Variants in SLC44A1 observed in about 807,000 individuals in gnomAD.
The protein encoded by SLC44A1 is solute carrier family 44 member 1, also known as choline transporter-like protein 1.
Under a neutral mutation model 79.3 loss-of-function variants are expected in SLC44A1, and 26 were observed. That is an observed-to-expected ratio of 0.33 (90% confidence interval 0.24 to 0.46). The LOEUF (loss-of-function observed/expected upper bound fraction) is 0.46. Ranked by LOEUF, SLC44A1 falls within the 20% of genes least tolerant of loss-of-function variation. The pLI is 1.00. For missense variants in SLC44A1, 688 were observed against 798.1 expected (o/e 0.86, Z 1.66); for synonymous variants, 263 against 286.2 (o/e 0.92, Z 0.82).
chr9:105,367,030 G>T (rs1490888282), intron 12 of SLC44A1, among the ~76,000 whole-genome samples: 2 of 151,832 alleles, frequency 1.3e-5, no homozygotes, highest in Non-Finnish European at 2.9e-5. Context: ...TTGAATGGAA[G>T]AATTGATATT....
At chr9:105,282,709 C>T (rs1162314135) in intron 1 of SLC44A1, among the ~76,000 whole-genome samples, 5 of 151,994 alleles carry the variant, frequency 3.3e-5, no homozygotes, top group Admixed American at 6.6e-5. Context: ...CCACCATGCC[C>T]GGCTAATTTT....
Position 105,309,789 on chromosome 9 carries a change from C to T in SLC44A1, c.192C>T (p.Ser64=). 6.2e-7 allele frequency: 1 copy of T among 1,613,178 alleles called. No individual in the cohort carries two copies. The change falls in exon 3 of 16, where the codon AGC becomes AGT. Residue 64 remains serine (S), a synonymous_variant. Coordinates refer to ENST00000374720, the MANE Select transcript of SLC44A1 (RefSeq NM_080546.5). The part of the protein sequence containing the change: ...AAARLVSGYD[S]YGNICGQKNT... ...CAAGACTAGTGTCAGGATACGACAG[C>T]TATGGAAATATCTGTGGGCAGAAAA...
Position 105,396,825 on chromosome 9 carries a change from C to T in SLC44A1, c.*7769C>T. 1 of 984,610 alleles carries T rather than the reference C, an allele frequency of 1.0e-6. No homozygotes were observed. Among genetic ancestry groups the T allele is most frequent in the Non-Finnish European group, 1.2e-6 (1 of 829,348 alleles). 61.0% of individuals were successfully genotyped at this position (984,610 alleles called of 1,614,324 possible). A position where few individuals can be genotyped will look rare whatever the true frequency, so the allele number is the denominator to read the frequency against. ...ATAAACTGGAGGATCACAGTTAAGCCTTCCATGAATTCATAGTTTGGAATC... is the reference window on the plus strand; with the variant it reads ...ATAAACTGGAGGATCACAGTTAAGCTTTCCATGAATTCATAGTTTGGAATC... On this transcript the variant is annotated 3_prime_UTR_variant, in exon 16 of 16. Transcript: ENST00000374720.
chr9:105,340,147 T>A (rs1827043268), intron 4 of SLC44A1, among the ~76,000 whole-genome samples: 1 of 152,242 alleles, frequency 6.6e-6, no homozygotes, highest in African/African-American at 2.4e-5. Context: ...AATAGTGCTG[T>A]ACTGTACACT....
At chr9:105,301,511 A>T (rs1412434109) in intron 2 of SLC44A1, among the ~76,000 whole-genome samples, 1 of 152,224 alleles carries the variant, frequency 6.6e-6, no homozygotes, top group Non-Finnish European at 1.5e-5. Flanking sequence ...CACAACAGAG[A>T]TTCAGCATTT....
intron 10 of SLC44A1, among the ~76,000 whole-genome samples, chr9:105,365,200 T>A (rs886730804): frequency 2.6e-5 from 4 of 152,224 alleles, no homozygotes; most frequent in Admixed American, 2.6e-4. Flanking sequence ...GATGACCCCA[T>A]AAGTATTCAC....
chr9:105,367,204 A>G (rs1407615696), intron 12 of SLC44A1, among the ~76,000 whole-genome samples: 2 of 152,138 alleles, frequency 1.3e-5, no homozygotes, highest in Admixed American at 1.3e-4. Flanking sequence ...CTCATCTAAT[A>G]GGCCAGAGAT....
chr9:105,370,703 T>G (rs555420296), intron 12 of SLC44A1, among the ~76,000 whole-genome samples: 1 of 152,334 alleles, frequency 6.6e-6, no homozygotes, highest in South Asian at 2.1e-4. Context: ...GCTGGTCTGA[T>G]GATAACAGAG....
In SLC44A1 at chr9:105,390,513, C is replaced by A. The variant is rs1828739872; in HGVS notation, c.*1457C>A. ...TTTGAAAGAAAGCATTGCCTCCTAC[C>A]AGAACTAGACAGTGAATTAGATCGG... On this transcript the variant is annotated 3_prime_UTR_variant, in exon 16 of 16. Transcript: ENST00000374720. 13 of 983,978 alleles carry A rather than the reference C, an allele frequency of 1.3e-5. No homozygotes were observed. In the South Asian group the frequency reaches 5.6e-4, roughly 43 times the overall value. The allele number at this position is 983,978 out of a possible 1,614,324, so 61.0% of individuals were successfully genotyped here. A position where few individuals can be genotyped will look rare whatever the true frequency, so the allele number is the denominator to read the frequency against.
rs140865803 is a variant in SLC44A1, at chr9:105,413,158, A to G, written c.1951-25123A>G. 4.4e-4 allele frequency among the ~76,000 whole-genome samples: 67 copies of G among 152,306 alleles called. No individual in the cohort carries two copies. The Middle Eastern group carries it at 0.014, about 31-fold the overall frequency. On this transcript the variant is annotated intron_variant, in intron 15 of 15. Transcript: ENST00000374724. ...ACTTCTGTTTCATCAGTCAATTAAC[A>G]TATGTTAATCACCTATTACTATCAG... is the stretch of plus-strand genomic sequence containing the variant.
At chr9:105,276,566 G>T (rs189221700) in intron 1 of SLC44A1, among the ~76,000 whole-genome samples, 1 of 3,954 alleles carries the variant, frequency 2.5e-4, no homozygotes, top group Non-Finnish European at 4.6e-4. Flanking sequence ...ATGGGGAGCC[G>T]TGTGTGTGTG....
chr9:105,431,147 C>T (rs1413488126), intron 15 of SLC44A1, among the ~76,000 whole-genome samples: 1 of 152,098 alleles, frequency 6.6e-6, no homozygotes, highest in Non-Finnish European at 1.5e-5. Flanking sequence ...CATATTTAGC[C>T]TTAAGTTTAT....
intron 1 of SLC44A1, among the ~76,000 whole-genome samples, chr9:105,260,454 G>A (rs1444194093): frequency 6.6e-6 from 1 of 152,168 alleles, no homozygotes; most frequent in Non-Finnish European, 1.5e-5. Context: ...GGTGAAACCA[G>A]AAGCAACAAT....
intron 15 of SLC44A1, among the ~76,000 whole-genome samples, chr9:105,388,818 A>G (rs1388017462): frequency 6.6e-6 from 1 of 152,168 alleles, no homozygotes; most frequent in Non-Finnish European, 1.5e-5. Context: ...CATGGGCCAG[A>G]GAAGTATGCT....
intron 15 of SLC44A1, among the ~76,000 whole-genome samples, chr9:105,429,882 GGT>G (rs1829370407): frequency 1.4e-5 from 2 of 147,652 alleles, no homozygotes; most frequent in Non-Finnish European, 2.9e-5. Flanking sequence ...CTTAATTATA[GGT>G]TGTAAAATTA....
intron 1 of SLC44A1, among the ~76,000 whole-genome samples, chr9:105,263,537 A>ATTT (rs1167076279): frequency 9.3e-4 from 127 of 135,962 alleles, no homozygotes; most frequent in African/African-American, 3.3e-3. Context: ...ACATGTGTGT[A>ATTT]TTTTTTTTTT....
At chr9:105,252,251 C>T (rs1026800540) in intron 1 of SLC44A1, among the ~76,000 whole-genome samples, 6 of 152,040 alleles carry the variant, frequency 3.9e-5, no homozygotes, top group African/African-American at 1.5e-4. Flanking sequence ...GTTTGCTGAC[C>T]CTTGCTCTAG....
chr9:105,432,165 GC>G (rs1043729201), intron 15 of SLC44A1, among the ~76,000 whole-genome samples: 21 of 152,268 alleles, frequency 1.4e-4, no homozygotes, highest in African/African-American at 5.1e-4. Context: ...CAAGTGATCT[GC>G]CCACCTCAGG....
At chr9:105,269,810 CGT>C (rs1830038826) in intron 1 of SLC44A1, among the ~76,000 whole-genome samples, 1 of 152,184 alleles carries the variant, frequency 6.6e-6, no homozygotes, top group African/African-American at 2.4e-5. Flanking sequence ...TTTGTTCAGG[CGT>C]GTGACTTGTC....
Sources: gnomAD v4.1 joint callset for allele counts (sites outside exome capture counted in the v4.1 genomes callset) on GRCh38, gnomAD v4.1.1 for gene constraint, MANE v1.5 for transcripts, NCBI Gene and HGNC (gene_info 2026-07-23, HGNC 2026-07-21) for gene names.